The following BEST3 variants were observed in gnomAD, a reference collection of about 807,000 sequenced individuals.
The protein encoded by BEST3 is bestrophin 3, also known as bestrophin-3.
A neutral mutation model predicts 47.1 loss-of-function variants in BEST3; 50 were observed. That is an observed-to-expected ratio of 1.06 (90% CI 0.85 to 1.34). The LOEUF (loss-of-function observed/expected upper bound fraction) is 1.34. Among genes scored for constraint, BEST3 ranks in the 40% most tolerant of loss-of-function variants. BEST3 has a pLI of 0.00. For synonymous variants in BEST3, 282 were observed against 298.8 expected, an observed-to-expected ratio of 0.94 and a Z score of 0.58; for missense variants, 765 against 817.0, an observed-to-expected ratio of 0.94 and a Z score of 0.78.
At chr12:69,667,837 T>C (rs577379607) in intron 9 of BEST3, among the ~76,000 whole-genome samples, 535 of 152,272 alleles carry the variant, frequency 3.5e-3, no homozygotes, top group Non-Finnish European at 6.0e-3. Flanking sequence ...ACCTACCTCA[T>C]AGTAGGCCCT....
In BEST3 at chr12:69,654,428, C is replaced by T. The variant is rs959859868; in HGVS notation, c.*479G>A. 2.6e-5 allele frequency: 26 copies of T among 985,820 alleles called. No individual in the cohort carries two copies. Among genetic ancestry groups the T allele is most frequent in the East Asian group, 1.1e-4 (1 of 8,824 alleles). The allele number at this position is 985,820 out of a possible 1,614,324, so 61.1% of individuals were successfully genotyped here. On this transcript the variant is annotated 3_prime_UTR_variant, in exon 10 of 10. Transcript: ENST00000330891. Reference sequence around the variant, plus strand: ...ATGGTTAGAAAGCCTCAAACAAAAACGTTAGGAAGGAGGGGATCTTTCAGG... The same window carrying T: ...ATGGTTAGAAAGCCTCAAACAAAAATGTTAGGAAGGAGGGGATCTTTCAGG...
intron 4 of BEST3, among the ~76,000 whole-genome samples, chr12:69,682,246 C>A (rs1885301680): frequency 6.6e-6 from 1 of 152,098 alleles, no homozygotes; most frequent in Admixed American, 6.6e-5. Flanking sequence ...CCAAGCTGTG[C>A]AGAAAATTCT....
intron 8 of BEST3, 68 bp from the exon 9 acceptor site, chr12:69,671,647 G>C: frequency 1.3e-6 from 2 of 1,485,988 alleles, no homozygotes; most frequent in South Asian, 2.3e-5. Flanking sequence ...AGTTTTTTTG[G>C]GCAGATGAGA....
chr12:69,671,335 T>G, intron 9 of BEST3, 93 bp downstream of exon 9: 3 of 1,228,774 alleles, frequency 2.4e-6, no homozygotes, highest in Non-Finnish European at 3.2e-6. Flanking sequence ...CTACTTTAAA[T>G]TATTTTATTT....
intron 9 of BEST3, among the ~76,000 whole-genome samples, chr12:69,666,526 G>A (rs1345781130): frequency 1.3e-5 from 2 of 152,112 alleles, no homozygotes; most frequent in African/African-American, 4.8e-5. Context: ...CCTCTTGGCA[G>A]GGCATTTTCT....
chr12:69,655,896 CTT>C (rs1883461681), intron 9 of BEST3, 83 bp from the exon 10 acceptor site: 1 of 1,495,798 alleles, frequency 6.7e-7, no homozygotes, highest in Non-Finnish European at 8.9e-7. Context: ...TAAGAGATGA[CTT>C]TGGTATTTTT....
intron 7 of BEST3, among the ~76,000 whole-genome samples, chr12:69,676,034 A>C (rs1001233280): frequency 3.3e-5 from 5 of 152,210 alleles, no homozygotes; most frequent in African/African-American, 4.8e-5. Flanking sequence ...TTGGAAGTTT[A>C]CAGAGGTGAT....
chr12:69,694,458 T>C lies in BEST3; in HGVS notation c.159A>G (p.Leu53=). 1 of 1,589,954 alleles carries C rather than the reference T, an allele frequency of 6.3e-7. No homozygotes were observed. Among genetic ancestry groups the C allele is most frequent in the Non-Finnish European group, 8.6e-7 (1 of 1,164,074 alleles). The stretch of plus-strand genomic sequence containing the variant: ...AGTAACGTTTTTGGACTCCTGTAAG[T>C]AACAATCTGGAGCAAAAATAAAATG... The part of the protein sequence containing the change: ...YTAISLVYRL[L]LTGVQKRYFE... The change falls in exon 3 of 10, where the codon TTA becomes TTG. Residue 53 remains leucine (L), a synonymous_variant. Transcript: ENST00000330891.
chr12:69,655,204 G>T lies in BEST3; in HGVS notation c.1710C>A (p.Ser570Arg). 3.1e-6 allele frequency: 5 copies of T among 1,614,112 alleles called. No individual in the cohort carries two copies. Among genetic ancestry groups the T allele is most frequent in the Non-Finnish European group, 4.2e-6 (5 of 1,180,010 alleles). Reference protein sequence around the residue: ...GGPSPQTVSASAEENIFNCEE... With the variant: ...GGPSPQTVSARAEENIFNCEE... ...CACAGTTGAATATATTTTCCTCAGC[G>T]CTGGCTGAAACTGTCTGGGGACTGG... The change falls in exon 10 of 10, where the codon AGC becomes AGA. Residue 570 changes from serine (S) to arginine (R), a missense_variant. Coordinates refer to ENST00000330891, the MANE Select transcript of BEST3 (RefSeq NM_032735.3).
chr12:69,650,375 T>C (rs926513969), downstream of BEST3, among the ~76,000 whole-genome samples: 1 of 152,146 alleles, frequency 6.6e-6, no homozygotes, highest in African/African-American at 2.4e-5. Flanking sequence ...TTAAGGTCCA[T>C]AGAACTAAAA....
intron 9 of BEST3, 61 bp downstream of exon 9, chr12:69,671,367 C>A: frequency 3.0e-6 from 4 of 1,351,334 alleles, no homozygotes; most frequent in East Asian, 2.4e-5. Context: ...TTTATAGAGA[C>A]AAGGTCTCAC....
intron 4 of BEST3, among the ~76,000 whole-genome samples, chr12:69,686,541 G>A (rs1010687342): frequency 4.6e-5 from 7 of 152,026 alleles, no homozygotes; most frequent in African/African-American, 1.4e-4. Flanking sequence ...TTGAGAGGCC[G>A]AGGTGGGATC....
chr12:69,647,131 G>A (rs1283587248), intron 9 of BEST3, among the ~76,000 whole-genome samples: 1 of 152,140 alleles, frequency 6.6e-6, no homozygotes, highest in African/African-American at 2.4e-5. Context: ...AAGTGATGCT[G>A]GCCATTTGGT....
intron 4 of BEST3, among the ~76,000 whole-genome samples, chr12:69,688,394 C>T (rs936503026): frequency 6.6e-6 from 1 of 152,212 alleles, no homozygotes; most frequent in Non-Finnish European, 1.5e-5. Flanking sequence ...GCATAATAGA[C>T]ATTATTCCGA....
At chr12:69,695,392 C>A (rs1886095465) in intron 2 of BEST3, among the ~76,000 whole-genome samples, 1 of 152,032 alleles carries the variant, frequency 6.6e-6, no homozygotes, top group Admixed American at 6.6e-5. Context: ...AGTAAGCAAC[C>A]AATTAGATTG....
downstream of BEST3, among the ~76,000 whole-genome samples, chr12:69,649,501 T>C (rs1477759946): frequency 6.6e-6 from 1 of 152,268 alleles, no homozygotes; most frequent in Non-Finnish European, 1.5e-5. Context: ...GTACATAGAA[T>C]AGGAATTTAG....
At chr12:69,647,437 A>G (rs1232034825) in intron 9 of BEST3, among the ~76,000 whole-genome samples, 3 of 152,232 alleles carry the variant, frequency 2.0e-5, no homozygotes, top group Admixed American at 2.0e-4. Flanking sequence ...GAAGGAAGTT[A>G]GTATTCAGTG....
intron 8 of BEST3, among the ~76,000 whole-genome samples, chr12:69,672,208 T>C (rs1220409451): frequency 1.3e-5 from 2 of 152,166 alleles, no homozygotes; most frequent in Admixed American, 6.5e-5. Context: ...AGACTGACAT[T>C]GGGATCTACT....
chr12:69,685,132 C>T (rs934528598), intron 4 of BEST3, among the ~76,000 whole-genome samples: 1 of 151,006 alleles, frequency 6.6e-6, no homozygotes, highest in African/African-American at 2.5e-5. Context: ...CTGGAAAAGC[C>T]TGAAATAGGC....
Sources: allele counts gnomAD v4.1 joint callset (sites outside exome capture counted in the v4.1 genomes callset), GRCh38; gene constraint gnomAD v4.1.1; transcripts MANE v1.5; gene names NCBI Gene and HGNC (gene_info 2026-07-23, HGNC 2026-07-21).